UPF3A: variants seen among roughly 807,000 people sequenced by gnomAD.
The protein encoded by UPF3A is regulator of nonsense transcripts 3A.
A neutral mutation model predicts 53.5 loss-of-function variants in UPF3A; 42 were observed. The observed-to-expected ratio is 0.78, with a 90% CI of 0.61 to 1.01. The LOEUF (loss-of-function observed/expected upper bound fraction) is 1.01. Ranked by LOEUF, UPF3A falls within the 50% of genes least tolerant of loss-of-function variation. The pLI is 0.00. For missense variants in UPF3A, 575 were observed against 598.0 expected (o/e 0.96, Z 0.40); for synonymous variants, 237 against 225.3 (o/e 1.05, Z -0.47).
intron 8 of UPF3A, 35 bp downstream of exon 8, chr13:114,299,035 T>C: frequency 6.5e-7 from 1 of 1,547,454 alleles, no homozygotes; most frequent in Non-Finnish European, 8.7e-7. Context: ...CCACGTCAGC[T>C]CCCAGTCATG....
At chr13:114,297,599 A>G (rs559129048) in intron 7 of UPF3A, among the ~76,000 whole-genome samples, 13 of 151,644 alleles carry the variant, frequency 8.6e-5, no homozygotes, top group South Asian at 4.2e-4. Flanking sequence ...TGGGAGGCCA[A>G]CGCTGGGGGA....
At chr13:114,287,360 G>A (rs1292979688) in intron 5 of UPF3A, 1 of 152,254 alleles carries the variant, frequency 6.6e-6, no homozygotes, top group Non-Finnish European at 1.5e-5. Flanking sequence ...GGGAGGCCAG[G>A]GTGGGCGGAT....
chr13:114,299,305 A>C lies in UPF3A; in HGVS notation c.1007+305A>C, dbSNP rs571663429. 3.9e-5 allele frequency among the ~76,000 whole-genome samples: 6 copies of C among 152,270 alleles called. No individual in the cohort carries two copies. The South Asian group carries it at 1.2e-3, about 32-fold the overall frequency. ...TCCTGCTGTTGCATGTCAGGTCTTC[A>C]GGATCTGTCTTCCCAGTCTTTCTTT... On this transcript the variant is annotated intron_variant, in intron 8 of 9. Coordinates refer to ENST00000375299, the MANE Select transcript of UPF3A (RefSeq NM_023011.4).
intron 7 of UPF3A, among the ~76,000 whole-genome samples, chr13:114,292,184 G>A (rs2139244215): frequency 6.6e-6 from 1 of 150,694 alleles, no homozygotes; most frequent in Non-Finnish European, 1.5e-5. Context: ...TCAGCTCAAC[G>A]CGTACACGTG....
At chr13:114,298,299 G>A (rs1174078102) in intron 7 of UPF3A, among the ~76,000 whole-genome samples, 2 of 152,128 alleles carry the variant, frequency 1.3e-5, no homozygotes, top group Non-Finnish European at 2.9e-5. Flanking sequence ...CTTGAACCCG[G>A]GAGGAGGAGG....
intron 7 of UPF3A, among the ~76,000 whole-genome samples, chr13:114,292,824 C>T (rs144801055): frequency 2.3e-3 from 344 of 152,180 alleles, no homozygotes; most frequent in African/African-American, 8.1e-3. Flanking sequence ...GTTTTCCTCC[C>T]AGCACTTTGG....
intron 8 of UPF3A, among the ~76,000 whole-genome samples, chr13:114,299,419 T>C (rs2086378463): frequency 6.6e-6 from 1 of 152,214 alleles, no homozygotes; most frequent in South Asian, 2.1e-4. Context: ...CAGAATTGCA[T>C]ATTTGGGAAC....
chr13:114,288,800 A>G (rs2084989015), intron 5 of UPF3A, among the ~76,000 whole-genome samples: 1 of 152,164 alleles, frequency 6.6e-6, no homozygotes, highest in African/African-American at 2.4e-5. Context: ...TTGTGGCACC[A>G]TTATACACAA....
Position 114,304,954 on chromosome 13 carries a change from G to C in UPF3A, c.*37G>C, listed in dbSNP as rs113519858. The stretch of plus-strand genomic sequence containing the variant: ...CACCTGGCCTCCATGGACGAGCAAG[G>C]GCATCCCAGAAACGTGTAAATGACC... On this transcript the variant is annotated 3_prime_UTR_variant, in exon 10 of 10. Transcript: ENST00000375299. 2.4e-3 allele frequency: 3,769 copies of C among 1,596,240 alleles called. 8 individuals carry two copies. Among genetic ancestry groups the C allele is most frequent in the Non-Finnish European group, 2.9e-3 (3,388 of 1,171,696 alleles).
At chr13:114,301,524 A>G (rs531028213) in intron 8 of UPF3A, among the ~76,000 whole-genome samples, 15 of 152,168 alleles carry the variant, frequency 9.9e-5, no homozygotes, top group African/African-American at 3.6e-4. Flanking sequence ...CTCAACTGAA[A>G]TGACAGATAC....
At chr13:114,289,916 C>T (rs929921452) in intron 5 of UPF3A, among the ~76,000 whole-genome samples, 4 of 152,248 alleles carry the variant, frequency 2.6e-5, no homozygotes, top group African/African-American at 4.8e-5. Flanking sequence ...GGTGGGCAAG[C>T]GGAGTCTGGG....
At chr13:114,303,892 A>C (rs1797439623) in intron 9 of UPF3A, among the ~76,000 whole-genome samples, 1 of 152,326 alleles carries the variant, frequency 6.6e-6, no homozygotes, top group South Asian at 2.1e-4. Flanking sequence ...GGTTCATACC[A>C]AGGAAAAGAA....
chr13:114,301,641 C>T (rs2086618655), intron 8 of UPF3A, 90 bp from the exon 9 acceptor site: 1 of 1,379,642 alleles, frequency 7.2e-7, no homozygotes, highest in South Asian at 1.3e-5. Flanking sequence ...GCATGGGTCC[C>T]TGTTGTCTGG....
intron 9 of UPF3A, among the ~76,000 whole-genome samples, chr13:114,303,399 G>GGCGCTGTGGTGGGAATGAGGCGCTGT (rs1264694018): frequency 1.3e-5 from 2 of 152,200 alleles, no homozygotes; most frequent in African/African-American, 4.8e-5. Flanking sequence ...GCTGTGTGCA[G>GGCGCTGTGGTGGGAATGAGGCGCTGT]GAGCTACTTT....
chr13:114,303,771 A>G (rs1165529347), intron 9 of UPF3A, among the ~76,000 whole-genome samples: 1 of 152,128 alleles, frequency 6.6e-6, no homozygotes, highest in Non-Finnish European at 1.5e-5. Context: ...AGGCAACAAG[A>G]GTGTAACTTT....
chr13:114,281,923 G>C (rs1322179688), intron 1 of UPF3A, 77 bp downstream of exon 1: 4 of 1,028,362 alleles, frequency 3.9e-6, no homozygotes, highest in Non-Finnish European at 5.7e-6. Flanking sequence ...GGAGGGGAGG[G>C]AGGGGCGGGG....
chr13:114,299,525 G>T (rs1286155477), intron 8 of UPF3A, among the ~76,000 whole-genome samples: 4 of 152,258 alleles, frequency 2.6e-5, no homozygotes, highest in African/African-American at 9.6e-5. Context: ...TCCTCTGGCT[G>T]TGGATCTTGA....
At chr13:114,289,784 C>T (rs1325208783) in intron 5 of UPF3A, among the ~76,000 whole-genome samples, 6 of 152,122 alleles carry the variant, frequency 3.9e-5, no homozygotes, top group Non-Finnish European at 7.3e-5. Context: ...CATGGTTGTG[C>T]GTATTCTGTC....
chr13:114,290,780 C>G (rs1388114538), intron 5 of UPF3A, among the ~76,000 whole-genome samples: 3 of 147,288 alleles, frequency 2.0e-5, no homozygotes, highest in African/African-American at 7.6e-5. Flanking sequence ...GTTGCCCAGG[C>G]TGGAGTGCAG....
Sources: gnomAD v4.1 joint callset for allele counts (sites outside exome capture counted in the v4.1 genomes callset) on GRCh38, gnomAD v4.1.1 for gene constraint, MANE v1.5 for transcripts, NCBI Gene and HGNC (gene_info 2026-07-23, HGNC 2026-07-21) for gene names.